The following CBLC variants were observed in gnomAD, a reference collection of about 807,000 sequenced individuals.
The protein encoded by CBLC is E3 ubiquitin-protein ligase CBL-C.
In CBLC, 46 loss-of-function variants were observed where a neutral mutation model predicts 58.6. That is an observed-to-expected ratio of 0.79 (90% CI 0.62 to 1.00). The LOEUF (loss-of-function observed/expected upper bound fraction) is 1.00. CBLC is among the 50% of genes least tolerant of loss of function. The pLI is 0.00. For synonymous variants in CBLC, 271 were observed against 264.2 expected (o/e 1.03, Z -0.25); for missense variants, 655 against 625.8 (o/e 1.05, Z -0.50).
intron 9 of CBLC, among the ~76,000 whole-genome samples, chr19:44,799,645 TTTG>T (rs372861692): frequency 2.8e-4 from 42 of 150,792 alleles, no homozygotes; most frequent in East Asian, 5.9e-4. Flanking sequence ...GTTTTTTCGG[TTTG>T]TTGTTGTTGT....
intron 9 of CBLC, among the ~76,000 whole-genome samples, chr19:44,798,294 C>T (rs543571769): frequency 6.7e-6 from 1 of 149,732 alleles, no homozygotes; most frequent in Non-Finnish European, 1.5e-5. Context: ...GGGCTCAAGT[C>T]TCCCAAAGTG....
intron 2 of CBLC, 28 bp downstream of exon 2, chr19:44,781,079 G>A (rs747042705): frequency 9.4e-6 from 15 of 1,602,922 alleles, no homozygotes; most frequent in Admixed American, 3.4e-5. Flanking sequence ...CTCAGCTCCC[G>A]GAGCCCCATC....
At chr19:44,785,532 GTAGA>G (rs56894232) in intron 5 of CBLC, among the ~76,000 whole-genome samples, 66,811 of 148,816 alleles carry the variant, frequency 0.45, 15,038 homozygotes, top group Non-Finnish European at 0.51. Flanking sequence ...AGTCAGATAG[GTAGA>G]TAGATAGATA....
intron 5 of CBLC, 147 bp from the exon 6 acceptor site, chr19:44,789,857 G>T: frequency 1.5e-6 from 1 of 653,694 alleles, no homozygotes; most frequent in Non-Finnish European, 2.8e-6. Flanking sequence ...GTGGGTGGAG[G>T]GAAAATAAGC....
Position 44,786,365 on chromosome 19 carries a change from G to T in CBLC, c.917+1964G>T, listed in dbSNP as rs116506797. On this transcript the variant is annotated intron_variant, in intron 5 of 10. Transcript: ENST00000647358. Reference sequence around the variant, plus strand: ...CCAGCACTTTGGAACACCGAGTCGCGCAGAACACGAGGTCAGGAGATCGAG... The same window carrying T: ...CCAGCACTTTGGAACACCGAGTCGCTCAGAACACGAGGTCAGGAGATCGAG... Among the ~76,000 whole-genome samples, 425 of 151,974 alleles carry T rather than the reference G, an allele frequency of 2.8e-3. 2 individuals carry two copies. The highest frequency in any genetic ancestry group is 8.8e-3 in the African/African-American group (366 of 41,474).
rs1005760984 is a variant in CBLC at position 44,787,741 on chromosome 19, C to T, written c.918-2263C>T. 2.7e-5 allele frequency among the ~76,000 whole-genome samples: 4 copies of T among 150,132 alleles called. No individual in the cohort carries two copies. In the East Asian group the frequency reaches 8.0e-4, roughly 30 times the overall value. Reference sequence around the variant, plus strand: ...GTGAGGCAAGAGAATTGCTTGAACCCGAGAGGCAGAGGTTGCAGTGAGCCG... The same window carrying T: ...GTGAGGCAAGAGAATTGCTTGAACCTGAGAGGCAGAGGTTGCAGTGAGCCG... On this transcript the variant is annotated intron_variant, in intron 5 of 10. Coordinates refer to ENST00000647358, the MANE Select transcript of CBLC (RefSeq NM_012116.4).
chr19:44,780,921 C>A lies in CBLC; in HGVS notation c.370C>A (p.Leu124Met). 6.2e-7 allele frequency: 1 copy of A among 1,612,714 alleles called. No homozygotes were observed. The highest frequency in any genetic ancestry group is 8.5e-7 in the Non-Finnish European group (1 of 1,179,984). ...TCCCCACAGGCGACAGCTGGCCAAG[C>A]TGGCCATCATCTTCAGCCACATGCA... is the stretch of plus-strand genomic sequence containing the variant. The part of the protein sequence containing the change: ...GSRLRRQLAK[L>M]AIIFSHMHAE... The change falls in exon 2 of 11, where the codon CTG becomes ATG. Residue 124 changes from leucine (L) to methionine (M), a missense_variant. Leu to Met is a conservative substitution (Grantham distance 15). Coordinates refer to ENST00000647358, the MANE Select transcript of CBLC (RefSeq NM_012116.4).
intron 3 of CBLC, 136 bp downstream of exon 3, chr19:44,781,499 G>A (rs1298769719): frequency 4.7e-6 from 4 of 855,242 alleles, no homozygotes; most frequent in Non-Finnish European, 7.1e-6. Context: ...GCCGGGGCCT[G>A]GACTCCTGGG....
At chr19:44,789,928 G>T in intron 5 of CBLC, 76 bp from the exon 6 acceptor site, 1 of 943,014 alleles carries the variant, frequency 1.1e-6, no homozygotes, top group Non-Finnish European at 1.8e-6. Flanking sequence ...GCCCTGTAGG[G>T]GGTAAAGGTA....
rs58171575 is a variant in CBLC, at chr19:44,784,950, GTTT to G, written c.917+586_917+588del. On this transcript the variant is annotated intron_variant, in intron 5 of 10. Coordinates refer to ENST00000647358, the MANE Select transcript of CBLC (RefSeq NM_012116.4). ...GAACTGGAGAACTTGCTAGACAGGT[GTTT>G]TTTTTTTTTTTTTTTTTTTTTTTTT... 3.2e-4 allele frequency among the ~76,000 whole-genome samples: 11 copies of G among 34,368 alleles called. 1 individual carries two copies. The highest frequency in any genetic ancestry group is 8.5e-4 in the African/African-American group (10 of 11,750). 22.5% of individuals were successfully genotyped at this position (34,368 alleles called of 152,430 possible). A position where few individuals can be genotyped will look rare whatever the true frequency, so the allele number is the denominator to read the frequency against.
At chr19:44,789,971 G>GC (rs768531231) in intron 5 of CBLC, 33 bp from the exon 6 acceptor site, 31 of 1,398,350 alleles carry the variant, frequency 2.2e-5, no homozygotes, top group Non-Finnish European at 3.0e-5. Context: ...ATACTGGATG[G>GC]CCCCCCAGTC....
At chr19:44,799,260 C>G (rs530781859) in intron 9 of CBLC, among the ~76,000 whole-genome samples, 1 of 152,160 alleles carries the variant, frequency 6.6e-6, no homozygotes, top group African/African-American at 2.4e-5. Context: ...TGGTTTAAGC[C>G]CAGGAGGTCA....
rs373292118 is a variant in CBLC at position 44,799,807 on chromosome 19, AAGG to A, written c.1363-571_1363-569del. ...AAAGAGAAAAAAGAAAGAAGGAAGG[AAGG>A]AGAGAGCGAGAGAGAAAGAAGAAAG... On this transcript the variant is annotated intron_variant, in intron 9 of 10. Coordinates refer to ENST00000647358, the MANE Select transcript of CBLC (RefSeq NM_012116.4). 3.4e-3 allele frequency among the ~76,000 whole-genome samples: 523 copies of A among 151,722 alleles called. 9 individuals are homozygous for A. In the East Asian group the frequency reaches 0.05, roughly 15 times the overall value.
At chr19:44,780,736 G>C (rs1363498741) in intron 1 of CBLC, among the ~76,000 whole-genome samples, 169 bp from the exon 2 acceptor site, 4 of 152,110 alleles carry the variant, frequency 2.6e-5, no homozygotes, top group African/African-American at 9.7e-5. Context: ...GCCTCCCAAA[G>C]TGCTGGGATT....
intron 1 of CBLC, among the ~76,000 whole-genome samples, chr19:44,779,291 A>C (rs915067120): frequency 6.6e-6 from 1 of 152,040 alleles, no homozygotes; most frequent in Non-Finnish European, 1.5e-5. Flanking sequence ...TAGGTGGAGG[A>C]GAGGTAGATG....
intron 5 of CBLC, among the ~76,000 whole-genome samples, chr19:44,789,438 C>G (rs545320477): frequency 1.4e-3 from 215 of 151,818 alleles, no homozygotes; most frequent in Middle Eastern, 3.4e-3. Flanking sequence ...GAGTCTCACT[C>G]TGTTGCCCAG....
At chr19:44,789,160 G>A (rs959632816) in intron 5 of CBLC, among the ~76,000 whole-genome samples, 5 of 152,162 alleles carry the variant, frequency 3.3e-5, no homozygotes, top group African/African-American at 9.6e-5. Flanking sequence ...CTGAGATCTC[G>A]CCTACAACCC....
chr19:44,784,071 C>T (rs1967819720), intron 4 of CBLC, among the ~76,000 whole-genome samples, 193 bp from the exon 5 acceptor site: 1 of 152,092 alleles, frequency 6.6e-6, no homozygotes, highest in Non-Finnish European at 1.5e-5. Flanking sequence ...CATAAAAGAG[C>T]CAAGCAGGCA....
At chr19:44,786,905 G>A (rs1967923312) in intron 5 of CBLC, among the ~76,000 whole-genome samples, 2 of 151,882 alleles carry the variant, frequency 1.3e-5, no homozygotes, top group East Asian at 3.9e-4. Context: ...AGGAGTTCGA[G>A]ACCAGCCTGG....
Sources: allele counts gnomAD v4.1 joint callset (sites outside exome capture counted in the v4.1 genomes callset), GRCh38; gene constraint gnomAD v4.1.1; transcripts MANE v1.5; gene names NCBI Gene and HGNC (gene_info 2026-07-23, HGNC 2026-07-21).